USHBP1: variants seen among roughly 807,000 people sequenced by gnomAD.
The protein encoded by USHBP1 is USH1 protein network component harmonin binding protein 1, also known as harmonin-binding protein USHBP1.
USHBP1 carries 67 observed loss-of-function variants against 76.2 expected under a neutral mutation model. The observed-to-expected ratio is 0.88, with a 90% CI of 0.72 to 1.08. The LOEUF is 1.08. USHBP1 is among the 50% of genes least tolerant of loss of function. The pLI, the probability that USHBP1 is intolerant of heterozygous loss-of-function variation, is 0.00. For synonymous variants in USHBP1, 322 were observed against 362.2 expected (o/e 0.89, Z 1.26); for missense variants, 931 against 915.0 (o/e 1.02, Z -0.23).
chr19:17,264,009 C>G lies in USHBP1; in HGVS notation c.196G>C (p.Gly66Arg), dbSNP rs770842974. The G allele has an allele frequency of 3.1e-6, 5 of 1,591,746 alleles. No homozygotes were observed. The highest frequency in any genetic ancestry group is 4.3e-6 in the Non-Finnish European group (5 of 1,168,912). The change falls in exon 3 of 13, where the codon GGA becomes CGA. Residue 66 changes from glycine to arginine, a missense_variant. Transcript: ENST00000252597. ...AGACCAAGCGGGTCTTACCTGCTTC[C>G]TAGGCCTTGGCCACTGACCTCCTCC... Reference protein sequence around the residue: ...PMEEVSGQGLGSRTDKKMDGG... With the variant: ...PMEEVSGQGLRSRTDKKMDGG...
At chr19:17,255,726 C>T (rs926029691) in intron 9 of USHBP1, 120 bp from the exon 10 acceptor site, 4 of 1,098,974 alleles carry the variant, frequency 3.6e-6, no homozygotes, top group Non-Finnish European at 5.1e-6. Context: ...TTTGGCCAGG[C>T]GCAGTGGCTC....
At chr19:17,251,881 C>A in intron 11 of USHBP1, 30 bp downstream of exon 11, 1 of 1,522,834 alleles carries the variant, frequency 6.6e-7, no homozygotes, top group South Asian at 1.2e-5. Flanking sequence ...CCTGCCCACC[C>A]CCCGCACAGC....
rs2073731753 is a variant in USHBP1, at chr19:17,264,687, G to A, written c.-65C>T. 4.3e-6 allele frequency: 1 copy of A among 234,016 alleles called. No individual in the cohort carries two copies. The highest frequency in any genetic ancestry group is 5.2e-5 in the Admixed American group (1 of 19,272). 14.5% of individuals were successfully genotyped at this position (234,016 alleles called of 1,614,324 possible). On this transcript the variant is annotated 5_prime_UTR_variant, in exon 1 of 13. Transcript: ENST00000252597. ...TCTCTCTACCTCTCTGATCCTCTGG[G>A]GGTAACTTGATCAGAGGCCTGAGTC... is the stretch of plus-strand genomic sequence containing the variant.
Position 17,258,401 on chromosome 19 carries a change from T to C in USHBP1, c.1047-16A>G, listed in dbSNP as rs1398380029. ...ACAGTGTTCACTGTGGGACACTGGT[T>C]CTGAGTGCTTCAGGACACTCAGCTC... is the stretch of plus-strand genomic sequence containing the variant. On this transcript the variant is annotated splice_polypyrimidine_tract_variant and intron_variant, in intron 7 of 12. Coordinates refer to ENST00000252597, the MANE Select transcript of USHBP1 (RefSeq NM_031941.4). 1.9e-6 allele frequency: 3 copies of C among 1,609,210 alleles called. No individual in the cohort carries two copies. Among genetic ancestry groups the C allele is most frequent in the Admixed American group, 1.7e-5 (1 of 59,844 alleles).
intron 10 of USHBP1, among the ~76,000 whole-genome samples, chr19:17,254,719 C>T (rs2073597032): frequency 1.3e-5 from 2 of 151,042 alleles, no homozygotes; most frequent in Non-Finnish European, 2.9e-5. Flanking sequence ...ATGACATAAT[C>T]GTGGCTCGCT....
At chr19:17,250,543 TTTG>T (rs748524355) in intron 12 of USHBP1, 129 bp from the exon 13 acceptor site, 1,709 of 1,063,626 alleles carry the variant, frequency 1.6e-3, no homozygotes, top group East Asian at 1.8e-3. Context: ...TAGCTGGTCT[TTTG>T]TTGTTGTTGT....
rs747678765 is a variant in USHBP1 at position 17,259,910 on chromosome 19, G to A, written c.755C>T (p.Pro252Leu). The change falls in exon 5 of 13, where the codon CCC (proline) becomes CTC (leucine). Residue 252 changes from proline (P) to leucine (L), a missense_variant. Physicochemically the swap from Pro to Leu is moderately conservative, Grantham distance 98 (BLOSUM62 -3). Transcript: ENST00000252597. Reference sequence around the variant, plus strand: ...TCTCGCACTCACCTGAGTCTCCCAGGGTTCCCTGTCTGCCTCAGAGCTGCT... The same window carrying A: ...TCTCGCACTCACCTGAGTCTCCCAGAGTTCCCTGTCTGCCTCAGAGCTGCT... ...GSSSSEADRE[P>L]WETQDSFSLA... The A allele has an allele frequency of 6.2e-7, 1 of 1,613,798 alleles. No individual in the cohort carries two copies. The highest frequency in any genetic ancestry group is 1.7e-5 in the Admixed American group (1 of 59,978).
chr19:17,256,582 G>A lies in USHBP1; in HGVS notation c.1359C>T (p.Pro453=), dbSNP rs771573729. The A allele has an allele frequency of 3.7e-6, 6 of 1,614,074 alleles. No individual in the cohort carries two copies. Among genetic ancestry groups the A allele is most frequent in the African/African-American group, 1.3e-5 (1 of 74,940 alleles). ...CCATGGCTTCTGCACGGGGCACAGT[G>A]GGCATGGGTGCCAAGGTGGGGCCAG... The part of the protein sequence containing the change: ...SEPGPTLAPM[P]TVPRAEAMVQ... Residue 453 remains proline (P), a synonymous_variant, in exon 9 of 13, where the codon CCC becomes CCT. Transcript: ENST00000252597.
rs1197200301 is a variant in USHBP1, at chr19:17,255,394, C to G, written c.1683G>C (p.Glu561Asp). The change falls in exon 10 of 13, where the codon GAG (glutamate) becomes GAC (aspartate). Residue 561 changes from glutamate (E) to aspartate (D), a missense_variant. Coordinates refer to ENST00000252597, the MANE Select transcript of USHBP1 (RefSeq NM_031941.4). The stretch of plus-strand genomic sequence containing the variant: ...AGGCAGGGCAGCTCACCTGATACCA[C>G]TCTTCCTCGTCCCCGCTGCTGCCAC... ...SGGGSSGDEE[E>D]WYQGLPAVPG... is the part of the protein sequence containing the mutation. 44 of 1,613,892 alleles carry G rather than the reference C, an allele frequency of 2.7e-5. No individual in the cohort carries two copies. Among genetic ancestry groups the G allele is most frequent in the Non-Finnish European group, 3.6e-5 (43 of 1,179,848 alleles).
chr19:17,253,107 T>C (rs1168812142), intron 10 of USHBP1, among the ~76,000 whole-genome samples: 1 of 151,574 alleles, frequency 6.6e-6, no homozygotes, highest in Non-Finnish European at 1.5e-5. Context: ...TAGCTGGGAC[T>C]ACAGGCGCCC....
chr19:17,259,559 C>G, intron 6 of USHBP1, 37 bp downstream of exon 6: 1 of 1,602,262 alleles, frequency 6.2e-7, no homozygotes, highest in East Asian at 2.2e-5. Flanking sequence ...GGAGGAGGTG[C>G]CTGTGCCCTT....
Position 17,262,643 on chromosome 19 carries a change from C to A in USHBP1, c.551G>T (p.Arg184Leu), listed in dbSNP as rs769029319. Residue 184 changes from arginine (R) to leucine (L), a missense_variant, in exon 4 of 13, where the codon CGG becomes CTG. Transcript: ENST00000252597. ...ATCCTCTCGGCTACTCAGGGCCAGC[C>A]GGAGCCAGGCATTCCTCTCGGCCAG... ...ARLAERNAWLRLALSSREDEL... is the reference protein window; with the variant it reads ...ARLAERNAWLLLALSSREDEL... 1.2e-6 allele frequency: 2 copies of A among 1,613,962 alleles called. No individual in the cohort carries two copies. The highest frequency in any genetic ancestry group is 1.7e-5 in the Admixed American group (1 of 60,018).
At chr19:17,258,667 C>A (rs995462236) in intron 7 of USHBP1, 5 of 355,000 alleles carry the variant, frequency 1.4e-5, no homozygotes, top group South Asian at 2.7e-5. Context: ...CAAGATGGCA[C>A]CACTGCACTC....
Position 17,250,322 on chromosome 19 carries a change from T to A in USHBP1, c.2015A>T (p.Gln672Leu), listed in dbSNP as rs1274230698. 6.2e-7 allele frequency: 1 copy of A among 1,613,396 alleles called. No individual in the cohort carries two copies. The highest frequency in any genetic ancestry group is 2.2e-5 in the East Asian group (1 of 44,882). Residue 672 changes from glutamine (Q) to leucine (L), a missense_variant, in exon 13 of 13, where the codon CAG becomes CTG. Physicochemically the swap from Gln to Leu is moderately radical, Grantham distance 113. Transcript: ENST00000252597. ...EQQMALMEAQ[Q>L]AEEVAVLEAT... ...TTCGAGCACCGCCACCTCCTCGGCC[T>A]GCTGAGCCTCCATGAGTGCCATCTG...
At position 17,256,693 on chromosome 19, in the gene USHBP1, G is replaced by C; in HGVS notation, c.1248C>G (p.Pro416=). The C allele has an allele frequency of 6.2e-7, 1 of 1,614,194 alleles. No homozygotes were observed. Among genetic ancestry groups the C allele is most frequent in the Non-Finnish European group, 8.5e-7 (1 of 1,180,038 alleles). ...PSPEGSSVDK[P]TPQEVAFQLR... is the part of the protein sequence containing the mutation. Reference sequence around the variant, plus strand: ...GCTGGAAAGCCACTTCCTGTGGGGTGGGCTTATCCACACTGCTGCCTTCAG... The same window carrying C: ...GCTGGAAAGCCACTTCCTGTGGGGTCGGCTTATCCACACTGCTGCCTTCAG... Residue 416 remains proline (P), a synonymous_variant, in exon 9 of 13, where the codon CCC becomes CCG. Coordinates refer to ENST00000252597, the MANE Select transcript of USHBP1 (RefSeq NM_031941.4).
At chr19:17,254,136 G>A (rs1305933667) in intron 10 of USHBP1, among the ~76,000 whole-genome samples, 3 of 151,946 alleles carry the variant, frequency 2.0e-5, no homozygotes, top group Admixed American at 6.6e-5. Flanking sequence ...AAGGTCAGGA[G>A]ATCGAGACCA....
At chr19:17,252,149 C>T (rs1365940004) in intron 10 of USHBP1, 132 bp from the exon 11 acceptor site, 4 of 768,378 alleles carry the variant, frequency 5.2e-6, no homozygotes, top group African/African-American at 1.8e-5. Flanking sequence ...GTTCGATATA[C>T]CAATAAGAGC....
chr19:17,256,442 C>CTGACA (rs1466997571), intron 9 of USHBP1, 29 bp downstream of exon 9: 1 of 1,611,130 alleles, frequency 6.2e-7, no homozygotes, highest in East Asian at 2.2e-5. Context: ...CCAAGAAAGA[C>CTGACA]TGACACAGTG....
At chr19:17,261,079 C>G (rs1484551016) in intron 4 of USHBP1, among the ~76,000 whole-genome samples, 1 of 152,174 alleles carries the variant, frequency 6.6e-6, no homozygotes, top group African/African-American at 2.4e-5. Context: ...GCATGCCCCT[C>G]CTCTGCTCAA....
Sources: gnomAD v4.1 joint callset for allele counts (sites outside exome capture counted in the v4.1 genomes callset) on GRCh38, gnomAD v4.1.1 for gene constraint, MANE v1.5 for transcripts, NCBI Gene and HGNC (gene_info 2026-07-23, HGNC 2026-07-21) for gene names.